PLCXD3: variants seen among roughly 807,000 people sequenced by gnomAD.
PLCXD3 encodes PI-PLC X domain-containing protein 3.
Under a neutral mutation model 25.5 loss-of-function variants are expected in PLCXD3, and 19 were observed. The observed-to-expected ratio is 0.75, with a 90% CI of 0.52 to 1.09. PLCXD3 has a LOEUF of 1.09. Among genes scored for constraint, PLCXD3 ranks in the 50% least tolerant of loss-of-function variants. The pLI is 0.00. For synonymous variants in PLCXD3, 174 were observed against 137.6 expected (o/e 1.26, Z -1.85); for missense variants, 411 against 388.1 (o/e 1.06, Z -0.50).
intron 1 of PLCXD3, among the ~76,000 whole-genome samples, chr5:41,489,950 G>T (rs1284322074): frequency 1.3e-5 from 2 of 151,744 alleles, no homozygotes; most frequent in East Asian, 1.9e-4. Flanking sequence ...TAATTGCCCT[G>T]GCCAGAACTT....
In PLCXD3 at chr5:41,379,076, T is replaced by A. The variant is rs570039926; in HGVS notation, c.812+2750A>T. Among the ~76,000 whole-genome samples the A allele has an allele frequency of 2.6e-5, 4 of 152,006 alleles. No homozygotes were observed. The East Asian group carries it at 7.8e-4, about 30-fold the overall frequency. ...GAACTATGCTGGAAGCTGGAAGAGG[T>A]CATAGGAAGACTTGCATCATGCCCA... On this transcript the variant is annotated intron_variant, in intron 2 of 2. Transcript: ENST00000377801.
At chr5:41,357,917 A>G (rs1233992784) in intron 2 of PLCXD3, among the ~76,000 whole-genome samples, 3 of 152,220 alleles carry the variant, frequency 2.0e-5, no homozygotes, top group Non-Finnish European at 4.4e-5. Flanking sequence ...CATAATCTGT[A>G]TTACAATAGG....
At chr5:41,324,256 G>T (rs1372073890) in intron 2 of PLCXD3, among the ~76,000 whole-genome samples, 1 of 152,174 alleles carries the variant, frequency 6.6e-6, no homozygotes, top group Non-Finnish European at 1.5e-5. Flanking sequence ...GAAGAGCTGA[G>T]TGAGATTTAA....
At position 41,500,070 on chromosome 5, in the gene PLCXD3, T is replaced by C. The variant is rs371605966; in HGVS notation, c.103+10354A>G. On this transcript the variant is annotated intron_variant, in intron 1 of 2. Transcript: ENST00000377801. Reference sequence around the variant, plus strand: ...TGATCCAGCAATCCCATACTGGTCATCTACCCAAATGAAAAGAATTCAATA... The same window carrying C: ...TGATCCAGCAATCCCATACTGGTCACCTACCCAAATGAAAAGAATTCAATA... Among the ~76,000 whole-genome samples, 48 of 151,910 alleles carry C rather than the reference T, an allele frequency of 3.2e-4. 1 individual carries two copies. The East Asian group carries it at 7.3e-3, about 23-fold the overall frequency.
chr5:41,333,279 C>A (rs1743886217), intron 2 of PLCXD3, among the ~76,000 whole-genome samples: 1 of 152,074 alleles, frequency 6.6e-6, no homozygotes, highest in Admixed American at 6.6e-5. Context: ...CACAGACCAA[C>A]TAATTAAAGT....
At chr5:41,493,932 C>A (rs941191104) in intron 1 of PLCXD3, among the ~76,000 whole-genome samples, 1 of 152,178 alleles carries the variant, frequency 6.6e-6, no homozygotes, top group Non-Finnish European at 1.5e-5. Flanking sequence ...GCGCACAGTG[C>A]GCTGCACCCA....
At chr5:41,496,852 G>A (rs926120311) in intron 1 of PLCXD3, among the ~76,000 whole-genome samples, 1 of 151,512 alleles carries the variant, frequency 6.6e-6, no homozygotes, top group Non-Finnish European at 1.5e-5. Flanking sequence ...AGAGTTAAAA[G>A]ACAAGAATGT....
intron 1 of PLCXD3, among the ~76,000 whole-genome samples, chr5:41,391,370 C>G (rs1745810288): frequency 6.6e-6 from 1 of 152,154 alleles, no homozygotes; most frequent in Non-Finnish European, 1.5e-5. Flanking sequence ...GATACCAACT[C>G]AGCCACAGCA....
intron 1 of PLCXD3, among the ~76,000 whole-genome samples, chr5:41,466,418 T>G (rs1748019113): frequency 6.6e-6 from 1 of 152,078 alleles, no homozygotes; most frequent in Non-Finnish European, 1.5e-5. Context: ...AAATTATTAT[T>G]TTATTGAAAA....
At chr5:41,315,719 T>G (rs1743270077) in intron 2 of PLCXD3, among the ~76,000 whole-genome samples, 1 of 152,170 alleles carries the variant, frequency 6.6e-6, no homozygotes, top group Non-Finnish European at 1.5e-5. Flanking sequence ...AATGGCCTGT[T>G]GTGGAGAGCA....
chr5:41,485,695 C>T (rs1289163419), intron 1 of PLCXD3, among the ~76,000 whole-genome samples: 1 of 152,176 alleles, frequency 6.6e-6, no homozygotes, highest in African/African-American at 2.4e-5. Context: ...AGGACTATCA[C>T]ACTGCTTACT....
intron 2 of PLCXD3, among the ~76,000 whole-genome samples, chr5:41,314,661 G>A (rs1361635566): frequency 6.6e-6 from 1 of 152,174 alleles, no homozygotes; most frequent in Admixed American, 6.5e-5. Flanking sequence ...CCCAGCTATT[G>A]CCATGGCACT....
At chr5:41,504,676 T>C (rs1749019063) in intron 1 of PLCXD3, among the ~76,000 whole-genome samples, 1 of 152,126 alleles carries the variant, frequency 6.6e-6, no homozygotes, top group East Asian at 1.9e-4. Flanking sequence ...GATAAAACTA[T>C]GGAAGCACAG....
chr5:41,383,521 T>C (rs1426715495), intron 1 of PLCXD3, among the ~76,000 whole-genome samples: 1 of 152,104 alleles, frequency 6.6e-6, no homozygotes, highest in Non-Finnish European at 1.5e-5. Context: ...AAGCCTCCTT[T>C]TATTCTTAGG....
intron 2 of PLCXD3, among the ~76,000 whole-genome samples, chr5:41,381,495 G>C (rs1745459928): frequency 6.6e-6 from 1 of 152,004 alleles, no homozygotes; most frequent in Non-Finnish European, 1.5e-5. Context: ...TGAGAAAAAG[G>C]AGACAGAGAC....
chr5:41,432,753 G>C (rs1368644255), intron 1 of PLCXD3, among the ~76,000 whole-genome samples: 1 of 152,098 alleles, frequency 6.6e-6, no homozygotes, highest in Non-Finnish European at 1.5e-5. Flanking sequence ...GCAACTAACA[G>C]ATAAAAGAAA....
intron 1 of PLCXD3, among the ~76,000 whole-genome samples, chr5:41,434,977 T>C (rs1747213557): frequency 6.6e-6 from 1 of 152,190 alleles, no homozygotes; most frequent in African/African-American, 2.4e-5. Context: ...CTCATAAAAA[T>C]TTTCAGTAGT....
chr5:41,446,663 G>A (rs1373071476), intron 1 of PLCXD3, among the ~76,000 whole-genome samples: 1 of 151,864 alleles, frequency 6.6e-6, no homozygotes, highest in South Asian at 2.1e-4. Context: ...TGCAAACAGA[G>A]CCATTCAGTC....
chr5:41,403,413 T>TTTTTTTTTTTTTTTTTTTTA (rs1178334780), intron 1 of PLCXD3, among the ~76,000 whole-genome samples: 1 of 32,176 alleles, frequency 3.1e-5, no homozygotes, highest in Non-Finnish European at 7.2e-5. Flanking sequence ...TTTTTTTTTT[T>TTTTTTTTTTTTTTTTTTTTA]TTTATTATAC....
Sources: allele counts gnomAD v4.1 joint callset (sites outside exome capture counted in the v4.1 genomes callset), GRCh38; gene constraint gnomAD v4.1.1; transcripts MANE v1.5; gene names NCBI Gene and HGNC (gene_info 2026-07-23, HGNC 2026-07-21).